Variants in TRIP12 observed in about 807,000 individuals in gnomAD.
TRIP12 encodes the protein E3 ubiquitin-protein ligase TRIP12.
In TRIP12, 25 loss-of-function variants were observed where a neutral mutation model predicts 244.2. The ratio of observed to expected loss-of-function variants is 0.10; its 90% CI spans 0.07 to 0.14. TRIP12 has a LOEUF of 0.14. Ranked by LOEUF, TRIP12 falls within the 10% of genes least tolerant of loss-of-function variation. TRIP12 has a pLI of 1.00. For missense variants in TRIP12, 1,677 were observed against 2,486.4 expected (o/e 0.67, Z 6.92); for synonymous variants, 905 against 873.1 (o/e 1.04, Z -0.64).
chr2:229,805,371 T>A (rs2045620819), intron 18 of TRIP12, among the ~76,000 whole-genome samples: 1 of 152,200 alleles, frequency 6.6e-6, no homozygotes, highest in South Asian at 2.1e-4. Context: ...ATCACAATTA[T>A]CTGTCCTTAA....
At chr2:229,843,878 C>G (rs1337930038) in intron 4 of TRIP12, among the ~76,000 whole-genome samples, 1 of 146,722 alleles carries the variant, frequency 6.8e-6, no homozygotes, top group Middle Eastern at 3.2e-3. Flanking sequence ...CAAGACCTTG[C>G]GAAAAGAAAA....
rs561549447 is a variant in TRIP12 at position 229,803,375 on chromosome 2, A to C, written c.2998+196T>G. 1.3e-3 allele frequency among the ~76,000 whole-genome samples: 204 copies of C among 152,308 alleles called. 2 individuals carry two copies. The highest frequency in any genetic ancestry group is 4.7e-3 in the African/African-American group (196 of 41,576). On this transcript the variant is annotated intron_variant, in intron 20 of 41. Transcript: ENST00000675903. ...GTGATCCACCTGCCTTGGCCTCCCA[A>C]AGTGCTGGGGTTACAGGCGTGAGCC...
chr2:229,828,404 AAAAC>A (rs1207700773), intron 8 of TRIP12, among the ~76,000 whole-genome samples: 5 of 151,974 alleles, frequency 3.3e-5, no homozygotes, highest in Admixed American at 6.6e-5. Context: ...ATTTCTCTTA[AAAAC>A]AAACAAACAA....
At chr2:229,795,628 T>G (rs2042616708) in intron 25 of TRIP12, among the ~76,000 whole-genome samples, 1 of 152,218 alleles carries the variant, frequency 6.6e-6, no homozygotes, top group South Asian at 2.1e-4. Context: ...CAGTCTTTAT[T>G]TATCTGATTT....
chr2:229,779,827 T>C (rs2037507852), intron 34 of TRIP12, among the ~76,000 whole-genome samples: 1 of 152,092 alleles, frequency 6.6e-6, no homozygotes, highest in Admixed American at 6.5e-5. Context: ...TACTCCTCCA[T>C]GAGACACCTG....
chr2:229,858,337 T>A (rs981549107), intron 4 of TRIP12, among the ~76,000 whole-genome samples: 1 of 152,194 alleles, frequency 6.6e-6, no homozygotes, highest in Non-Finnish European at 1.5e-5. Context: ...CACTCCAGCC[T>A]AGGCGACAGA....
At chr2:229,887,526 A>G (rs952106912) in intron 1 of TRIP12, among the ~76,000 whole-genome samples, 1 of 152,236 alleles carries the variant, frequency 6.6e-6, no homozygotes, top group Non-Finnish European at 1.5e-5. Flanking sequence ...AACAGATCTA[A>G]GGGTAGATGA....
intron 37 of TRIP12, among the ~76,000 whole-genome samples, chr2:229,776,547 C>T (rs1326867667): frequency 6.6e-6 from 1 of 152,132 alleles, no homozygotes; most frequent in Non-Finnish European, 1.5e-5. Context: ...AATCCTATCC[C>T]TCTACCATAA....
chr2:229,814,352 A>G, intron 11 of TRIP12, 27 bp from the exon 12 acceptor site: 1 of 1,602,886 alleles, frequency 6.2e-7, no homozygotes. Context: ...AGTTACCATA[A>G]GGTTATCATT....
chr2:229,790,958 G>T (rs986208334), intron 30 of TRIP12, among the ~76,000 whole-genome samples, 166 bp downstream of exon 30: 4 of 152,086 alleles, frequency 2.6e-5, no homozygotes, highest in African/African-American at 9.7e-5. Context: ...TCATTTTCTA[G>T]ATATTAAAGT....
chr2:229,799,496 G>A (rs1208733378), intron 21 of TRIP12, 113 bp from the exon 22 acceptor site: 3 of 955,996 alleles, frequency 3.1e-6, no homozygotes, highest in Non-Finnish European at 4.9e-6. Context: ...ATACTGTCAG[G>A]CCGGGCGCGG....
rs779143943 is a variant in TRIP12 at position 229,878,443 on chromosome 2, T to TA, written c.98+1538dup. Among the ~76,000 whole-genome samples, 855 of 133,304 alleles carry TA rather than the reference T, an allele frequency of 6.4e-3. 2 individuals are homozygous for TA. The highest frequency in any genetic ancestry group is 7.5e-3 in the Non-Finnish European group (459 of 61,384). The allele number at this position is 133,304 out of a possible 152,430, so 87.5% of individuals were successfully genotyped here. A position where few individuals can be genotyped will look rare whatever the true frequency, so the allele number is the denominator to read the frequency against. ...CCAGCCTGGGCGACAGCAACTGTTT[T>TA]AAAAAAAAAAAAAAAGAAAACAAAA... On this transcript the variant is annotated intron_variant, in intron 2 of 41. Coordinates refer to ENST00000675903, the MANE Select transcript of TRIP12 (RefSeq NM_001348323.3).
chr2:229,907,251 T>C (rs2073102704), intron 1 of TRIP12, among the ~76,000 whole-genome samples: 1 of 152,216 alleles, frequency 6.6e-6, no homozygotes, highest in African/African-American at 2.4e-5. Context: ...GGCACTGTGC[T>C]AGGTAAGAAC....
chr2:229,816,284 C>T (rs1312444403), intron 9 of TRIP12, among the ~76,000 whole-genome samples: 7 of 148,942 alleles, frequency 4.7e-5, no homozygotes, highest in Non-Finnish European at 1.0e-4. Flanking sequence ...AAAGCACACA[C>T]ACAAACAGCA....
chr2:229,848,317 G>GCCCTCC (rs2057993563), intron 4 of TRIP12, among the ~76,000 whole-genome samples: 1 of 128,738 alleles, frequency 7.8e-6, no homozygotes, highest in African/African-American at 3.0e-5. Context: ...CAAAATGCAG[G>GCCCTCC]CCCCCCCCGC....
chr2:229,790,420 C>G (rs2154258441), intron 30 of TRIP12, among the ~76,000 whole-genome samples: 1 of 151,922 alleles, frequency 6.6e-6, no homozygotes, highest in Non-Finnish European at 1.5e-5. Context: ...AAACTAAGAG[C>G]CTTTTATATC....
chr2:229,879,033 G>A (rs569261988), intron 2 of TRIP12, among the ~76,000 whole-genome samples: 19 of 152,048 alleles, frequency 1.2e-4, no homozygotes, highest in African/African-American at 3.9e-4. Context: ...CGGGTGAATC[G>A]CTTGAGGTCA....
At position 229,871,280 on chromosome 2, in the gene TRIP12, C is replaced by T. The variant is rs537061785; in HGVS notation, c.98+8702G>A. Reference sequence around the variant, plus strand: ...CCTAATCCAAACATAAGTATGGTTTCTTCCCAATTTTCTTTGCAATATTAG... The same window carrying T: ...CCTAATCCAAACATAAGTATGGTTTTTTCCCAATTTTCTTTGCAATATTAG... On this transcript the variant is annotated intron_variant, in intron 2 of 41. Transcript: ENST00000675903. 3.3e-5 allele frequency among the ~76,000 whole-genome samples: 5 copies of T among 152,260 alleles called. No individual in the cohort carries two copies. In the East Asian group the frequency reaches 9.6e-4, roughly 29 times the overall value.
intron 1 of TRIP12, chr2:229,900,618 T>C (rs537228575): frequency 1.3e-5 from 2 of 152,250 alleles, no homozygotes; most frequent in Non-Finnish European, 2.9e-5. Flanking sequence ...ATCCCAGCAA[T>C]TGGGAGGCCA....
Sources: allele counts gnomAD v4.1 joint callset (sites outside exome capture counted in the v4.1 genomes callset), GRCh38; gene constraint gnomAD v4.1.1; transcripts MANE v1.5; gene names NCBI Gene and HGNC (gene_info 2026-07-23, HGNC 2026-07-21).